HEMK2: variants seen among roughly 807,000 people sequenced by gnomAD.
The protein encoded by HEMK2 is HemK methyltransferase 2, ETF1 glutamine and histone H4 lysine.
At chr21:28,692,961 G>T in the HEMK2 span, among the ~76,000 whole-genome samples, 1 of 152,178 alleles carries the variant, frequency 6.6e-6, no homozygotes, top group African/African-American at 2.4e-5. Context: ...CAAAGTGGCA[G>T]AAAATAGATT....
chr21:28,782,113 T>C, the HEMK2 span, among the ~76,000 whole-genome samples: 1 of 152,228 alleles, frequency 6.6e-6, no homozygotes, highest in Non-Finnish European at 1.5e-5. Flanking sequence ...ATTCTAGCCA[T>C]TCTCCCCTTT....
chr21:28,744,583 T>C, the HEMK2 span, among the ~76,000 whole-genome samples: 1 of 152,180 alleles, frequency 6.6e-6, no homozygotes, highest in African/African-American at 2.4e-5. Flanking sequence ...CAAAGGATTT[T>C]TGCACTTATC....
At chr21:28,616,154 C>T in the HEMK2 span, among the ~76,000 whole-genome samples, 1 of 152,104 alleles carries the variant, frequency 6.6e-6, no homozygotes, top group Non-Finnish European at 1.5e-5. Flanking sequence ...ATTGTCTAGA[C>T]ATAATTTCTC....
At chr21:28,617,099 A>C in the HEMK2 span, among the ~76,000 whole-genome samples, 1 of 152,216 alleles carries the variant, frequency 6.6e-6, no homozygotes, top group Non-Finnish European at 1.5e-5. Flanking sequence ...GTGAAGTACA[A>C]CAAGGCAATA....
chr21:28,597,809 T>C, the HEMK2 span, among the ~76,000 whole-genome samples: 1 of 152,152 alleles, frequency 6.6e-6, no homozygotes, highest in South Asian at 2.1e-4. Flanking sequence ...TGAGGTTTTT[T>C]TAAAGGTGAA....
the HEMK2 span, among the ~76,000 whole-genome samples, chr21:28,706,506 A>C: frequency 6.6e-6 from 1 of 152,206 alleles, no homozygotes; most frequent in Non-Finnish European, 1.5e-5. Flanking sequence ...GGAAACAGAA[A>C]AAATGAGCTA....
chr21:28,768,624 G>A, the HEMK2 span, among the ~76,000 whole-genome samples: 10 of 151,878 alleles, frequency 6.6e-5, no homozygotes, highest in South Asian at 2.1e-4. Context: ...GATCCTCGTC[G>A]GTCTCCTCTA....
chr21:28,579,233 T>C, the HEMK2 span, among the ~76,000 whole-genome samples: 21 of 152,344 alleles, frequency 1.4e-4, no homozygotes, highest in Admixed American at 6.5e-5. Flanking sequence ...TTACATTATA[T>C]TTTATTGCCT....
At chr21:28,628,686 T>G in the HEMK2 span, among the ~76,000 whole-genome samples, 2 of 152,194 alleles carry the variant, frequency 1.3e-5, no homozygotes, top group Non-Finnish European at 2.9e-5. Context: ...ACTCCCAACC[T>G]CAGGTGATTG....
the HEMK2 span, among the ~76,000 whole-genome samples, chr21:28,694,747 T>G: frequency 6.6e-6 from 1 of 152,250 alleles, no homozygotes; most frequent in South Asian, 2.1e-4. Context: ...ATCCTAGCAC[T>G]TTGGAAGGCT....
chr21:28,618,694 C>T, the HEMK2 span, among the ~76,000 whole-genome samples: 1 of 152,178 alleles, frequency 6.6e-6, no homozygotes, highest in Non-Finnish European at 1.5e-5. Context: ...ACAACACTCT[C>T]CTATAACTCA....
the HEMK2 span, among the ~76,000 whole-genome samples, chr21:28,831,474 A>AAGAACGAAAGAAC: frequency 2.4e-5 from 1 of 42,390 alleles, no homozygotes. Context: ...AAAGAAAGAA[A>AAGAACGAAAGAAC]GAAAGAAAGA....
the HEMK2 span, among the ~76,000 whole-genome samples, chr21:28,631,294 T>G: frequency 6.6e-6 from 1 of 152,216 alleles, no homozygotes; most frequent in Non-Finnish European, 1.5e-5. Context: ...TTGTAAAAAT[T>G]CTGGAAATTC....
the HEMK2 span, among the ~76,000 whole-genome samples, chr21:28,760,140 G>A: frequency 0.014 from 2,082 of 152,286 alleles, 47 homozygotes; most frequent in African/African-American, 0.047. Context: ...CTGTGAAGAA[G>A]AGGGTACAAT....
the HEMK2 span, chr21:28,879,727 G>T: frequency 1.9e-6 from 1 of 529,452 alleles, no homozygotes; most frequent in Non-Finnish European, 3.2e-6. Context: ...TCTTTTAATA[G>T]GACTCAATTA....
the HEMK2 span, among the ~76,000 whole-genome samples, chr21:28,670,188 G>A: frequency 8.6e-5 from 13 of 151,950 alleles, no homozygotes; most frequent in Non-Finnish European, 1.5e-4. Flanking sequence ...CTTAAATATT[G>A]TGTTAACCTC....
the HEMK2 span, among the ~76,000 whole-genome samples, chr21:28,668,734 G>C: frequency 2.0e-5 from 3 of 152,112 alleles, no homozygotes; most frequent in African/African-American, 7.2e-5. Flanking sequence ...GACATATACT[G>C]ACCACTTCAA....
At chr21:28,766,411 G>A in the HEMK2 span, among the ~76,000 whole-genome samples, 1 of 149,916 alleles carries the variant, frequency 6.7e-6, no homozygotes, top group Non-Finnish European at 1.5e-5. Flanking sequence ...TGGTGGGAGT[G>A]TAAATTAGTT....
the HEMK2 span, among the ~76,000 whole-genome samples, chr21:28,596,330 A>C: frequency 2.0e-5 from 3 of 152,228 alleles, no homozygotes; most frequent in Non-Finnish European, 2.9e-5. Context: ...AACAGTTCTT[A>C]TTATTATATT....
Sources: gnomAD v4.1 joint callset for allele counts (sites outside exome capture counted in the v4.1 genomes callset) on GRCh38, gnomAD v4.1.1 for gene constraint, MANE v1.5 for transcripts, NCBI Gene and HGNC (gene_info 2026-07-23, HGNC 2026-07-21) for gene names.